Variants in TMEM108 observed in about 807,000 individuals in gnomAD.
The protein encoded by TMEM108 is cancer/testis antigen 124.
TMEM108 carries 12 observed loss-of-function variants against 35.1 expected under a neutral mutation model. The ratio of observed to expected loss-of-function variants is 0.34; its 90% CI spans 0.22 to 0.55. The LOEUF (loss-of-function observed/expected upper bound fraction) is 0.55, where lower values mean the gene tolerates loss of function less well. Ranked by LOEUF, TMEM108 falls within the 20% of genes least tolerant of loss-of-function variation. The probability of loss-of-function intolerance (pLI) is 0.89; values close to 1 mark genes in which losing one functional copy is unlikely to be tolerated. For synonymous variants in TMEM108, 287 were observed against 308.6 expected (o/e 0.93, Z 0.73); for missense variants, 680 against 753.3 (o/e 0.90, Z 1.14).
At chr3:133,234,220 A>G (rs1946198642) in intron 3 of TMEM108, among the ~76,000 whole-genome samples, 1 of 152,154 alleles carries the variant, frequency 6.6e-6, no homozygotes, top group Non-Finnish European at 1.5e-5. Flanking sequence ...TTTTTGTATA[A>G]GGTGTAAGGA....
chr3:133,061,729 A>G (rs1943538462), intron 2 of TMEM108, among the ~76,000 whole-genome samples: 1 of 152,218 alleles, frequency 6.6e-6, no homozygotes, highest in South Asian at 2.1e-4. Context: ...TTTAAAGTTT[A>G]GAATAATTTC....
intron 1 of TMEM108, among the ~76,000 whole-genome samples, chr3:133,041,344 C>T (rs548970945): frequency 1.0e-3 from 156 of 152,174 alleles, no homozygotes; most frequent in Non-Finnish European, 1.7e-3. Flanking sequence ...TCTAGGCTGC[C>T]GTTCCTTCAC....
At chr3:133,227,312 G>T (rs1003090990) in intron 2 of TMEM108, among the ~76,000 whole-genome samples, 1 of 146,466 alleles carries the variant, frequency 6.8e-6, no homozygotes, top group Admixed American at 7.0e-5. Flanking sequence ...TCCTGCCTCA[G>T]CCTCCCAAGT....
intron 3 of TMEM108, among the ~76,000 whole-genome samples, chr3:133,360,149 C>T (rs543390009): frequency 6.6e-6 from 1 of 151,864 alleles, no homozygotes; most frequent in African/African-American, 2.4e-5. Flanking sequence ...ACAAAAGAAA[C>T]CTACAGTGAT....
intron 2 of TMEM108, among the ~76,000 whole-genome samples, chr3:133,138,436 G>A (rs548471277): frequency 6.6e-6 from 1 of 152,280 alleles, no homozygotes; most frequent in South Asian, 2.1e-4. Flanking sequence ...GGCGGCCCAG[G>A]ACAGCTTTGA....
At chr3:133,224,433 C>T (rs935165761) in intron 2 of TMEM108, among the ~76,000 whole-genome samples, 4 of 152,134 alleles carry the variant, frequency 2.6e-5, no homozygotes, top group Non-Finnish European at 5.9e-5. Flanking sequence ...CATATTGATA[C>T]AGTTTGGCTG....
intron 3 of TMEM108, among the ~76,000 whole-genome samples, chr3:133,353,135 A>G (rs2072056855): frequency 6.6e-6 from 1 of 152,222 alleles, no homozygotes; most frequent in African/African-American, 2.4e-5. Context: ...ATGTCTCGTG[A>G]AACAAAGAAG....
chr3:133,215,099 C>A (rs1380924351), intron 2 of TMEM108, among the ~76,000 whole-genome samples: 1 of 152,142 alleles, frequency 6.6e-6, no homozygotes, highest in African/African-American at 2.4e-5. Context: ...GAGCCTCTCA[C>A]AAACTTTTAT....
At chr3:133,310,343 CTT>C (rs1290684968) in intron 3 of TMEM108, among the ~76,000 whole-genome samples, 20 of 151,994 alleles carry the variant, frequency 1.3e-4, no homozygotes, top group Non-Finnish European at 2.8e-4. Flanking sequence ...GTCTAAGTCT[CTT>C]TGTAGGTCTC....
At chr3:133,272,568 A>G (rs1422209580) in intron 3 of TMEM108, among the ~76,000 whole-genome samples, 1 of 151,974 alleles carries the variant, frequency 6.6e-6, no homozygotes, top group Non-Finnish European at 1.5e-5. Flanking sequence ...GTTCTATGCA[A>G]TTTTTATGGT....
intron 2 of TMEM108, among the ~76,000 whole-genome samples, chr3:133,153,138 A>G (rs945523291): frequency 6.6e-6 from 1 of 152,184 alleles, no homozygotes; most frequent in Admixed American, 6.6e-5. Context: ...TAAATAAAAC[A>G]TTCCTCCTAT....
At chr3:133,363,288 G>C (rs1343547689) in intron 3 of TMEM108, among the ~76,000 whole-genome samples, 1 of 152,140 alleles carries the variant, frequency 6.6e-6, no homozygotes, top group Non-Finnish European at 1.5e-5. Flanking sequence ...ATCTGGAACA[G>C]GGACCCAACA....
intron 2 of TMEM108, among the ~76,000 whole-genome samples, chr3:133,201,017 T>C (rs1945655685): frequency 6.6e-6 from 1 of 152,140 alleles, no homozygotes; most frequent in East Asian, 1.9e-4. Context: ...ATTTGGAGGA[T>C]CATTTGGAGG....
At chr3:133,062,697 G>A (rs996961156) in intron 2 of TMEM108, among the ~76,000 whole-genome samples, 3 of 152,236 alleles carry the variant, frequency 2.0e-5, no homozygotes, top group Non-Finnish European at 4.4e-5. Context: ...TCAAGCTTCT[G>A]TGGATTCAAG....
Position 133,090,932 on chromosome 3 carries a change from A to G in TMEM108, c.-47+44912A>G, listed in dbSNP as rs117278650. ...AAATGATAGTTATCTGCTGTTTTTT[A>G]CTTTTATAAAAGTGATGATCATCCT... On this transcript the variant is annotated intron_variant, in intron 2 of 5. Transcript: ENST00000321871. 2.6e-3 allele frequency among the ~76,000 whole-genome samples: 394 copies of G among 152,210 alleles called. 4 individuals are homozygous for G. The highest frequency in any genetic ancestry group is 0.023 in the East Asian group (121 of 5,182).
chr3:133,197,713 G>T (rs1393656657), intron 2 of TMEM108, among the ~76,000 whole-genome samples: 2 of 152,186 alleles, frequency 1.3e-5, no homozygotes, highest in African/African-American at 4.8e-5. Flanking sequence ...TGAGTTGAAG[G>T]CTGTATGGAA....
intron 2 of TMEM108, among the ~76,000 whole-genome samples, chr3:133,190,217 A>C (rs1945478845): frequency 6.6e-6 from 1 of 152,222 alleles, no homozygotes; most frequent in South Asian, 2.1e-4. Flanking sequence ...GACCTTTGAT[A>C]GCAGTGTTTT....
intron 5 of TMEM108, among the ~76,000 whole-genome samples, chr3:133,390,683 TGA>T (rs1364129615): frequency 6.6e-6 from 1 of 152,162 alleles, no homozygotes; most frequent in Non-Finnish European, 1.5e-5. Flanking sequence ...GCTCAGGTTC[TGA>T]GATGTGGCTG....
intron 2 of TMEM108, among the ~76,000 whole-genome samples, chr3:133,073,512 A>C (rs9873338): frequency 0.17 from 8,732 of 49,904 alleles, 385 homozygotes; most frequent in Non-Finnish European, 0.2. Context: ...CTCTCTCTCT[A>C]TATATATATA....
Sources: allele counts gnomAD v4.1 joint callset (sites outside exome capture counted in the v4.1 genomes callset), GRCh38; gene constraint gnomAD v4.1.1; transcripts MANE v1.5; gene names NCBI Gene and HGNC (gene_info 2026-07-23, HGNC 2026-07-21).